The following CABIN1 variants were observed in gnomAD, a reference collection of about 807,000 sequenced individuals.
The protein encoded by CABIN1 is calcineurin binding protein 1, also known as calcineurin-binding protein cabin-1.
CABIN1 carries 133 observed loss-of-function variants against 227.7 expected under a neutral mutation model. The ratio of observed to expected loss-of-function variants is 0.58; its 90% CI spans 0.51 to 0.67. The LOEUF is 0.67. Ranked by LOEUF, CABIN1 falls within the 30% of genes least tolerant of loss-of-function variation. The probability of loss-of-function intolerance (pLI) is 0.00; values close to 1 mark genes in which losing one functional copy is unlikely to be tolerated. For synonymous variants in CABIN1, 1,086 were observed against 1,155.1 expected (o/e 0.94, Z 1.21); for missense variants, 2,408 against 2,852.5 (o/e 0.84, Z 3.55).
chr22:24,083,157 G>C (rs1229696326), intron 19 of CABIN1, 71 bp from the exon 20 acceptor site: 1 of 1,516,546 alleles, frequency 6.6e-7, no homozygotes, highest in East Asian at 2.3e-5. Flanking sequence ...TGGTTTCTCT[G>C]GGGCCCTGCT....
At chr22:24,075,698 T>A (rs1252938601) in intron 18 of CABIN1, among the ~76,000 whole-genome samples, 1 of 151,708 alleles carries the variant, frequency 6.6e-6, no homozygotes, top group African/African-American at 2.4e-5. Context: ...TGAGCTATAA[T>A]TGTGCCAACT....
chr22:24,089,112 C>G (rs1363700536), intron 23 of CABIN1, among the ~76,000 whole-genome samples: 3 of 152,190 alleles, frequency 2.0e-5, no homozygotes, highest in African/African-American at 7.2e-5. Context: ...CTGAGCTGAT[C>G]ATGGTTCTTG....
At chr22:24,077,261 C>G (rs1214962064) in intron 19 of CABIN1, among the ~76,000 whole-genome samples, 1 of 152,186 alleles carries the variant, frequency 6.6e-6, no homozygotes, top group Non-Finnish European at 1.5e-5. Context: ...TATTGTGTGT[C>G]TCTGCTCCAC....
intron 31 of CABIN1, 106 bp from the exon 32 acceptor site, chr22:24,166,533 A>T: frequency 1.5e-6 from 2 of 1,373,240 alleles, no homozygotes; most frequent in Non-Finnish European, 2.1e-6. Context: ...GGAGCCACAC[A>T]GATGTCAGGT....
At chr22:24,133,383 C>G (rs2044194513) in intron 28 of CABIN1, among the ~76,000 whole-genome samples, 1 of 152,194 alleles carries the variant, frequency 6.6e-6, no homozygotes, top group Non-Finnish European at 1.5e-5. Flanking sequence ...AGAATGGGAC[C>G]AGGTGGGACA....
At chr22:24,025,445 G>A (rs2036014212) in intron 1 of CABIN1, among the ~76,000 whole-genome samples, 2 of 152,158 alleles carry the variant, frequency 1.3e-5, no homozygotes, top group Admixed American at 1.3e-4. Flanking sequence ...GTTCTACAGG[G>A]ATCTGCCAGA....
intron 31 of CABIN1, 33 bp from the exon 32 acceptor site, chr22:24,166,606 C>G: frequency 1.2e-6 from 2 of 1,612,442 alleles, no homozygotes; most frequent in Admixed American, 3.3e-5. Flanking sequence ...GAGACACCAG[C>G]GACACAGCTT....
At chr22:24,077,202 C>A (rs1474584771) in intron 19 of CABIN1, among the ~76,000 whole-genome samples, 1 of 152,152 alleles carries the variant, frequency 6.6e-6, no homozygotes. Context: ...CCTGTGCTTT[C>A]CCCTCAGCGC....
chr22:24,077,654 C>T (rs2040534234), intron 19 of CABIN1, among the ~76,000 whole-genome samples: 1 of 152,202 alleles, frequency 6.6e-6, no homozygotes, highest in East Asian at 1.9e-4. Flanking sequence ...GTCTGTAATG[C>T]TGCCCAGGAC....
chr22:24,045,136 G>T (rs2037754679), intron 6 of CABIN1, among the ~76,000 whole-genome samples: 1 of 152,206 alleles, frequency 6.6e-6, no homozygotes, highest in Admixed American at 6.5e-5. Context: ...GTGTTAGCCA[G>T]GATGTTCTTG....
chr22:24,095,445 G>A (rs944740111), intron 24 of CABIN1, among the ~76,000 whole-genome samples: 2 of 71,108 alleles, frequency 2.8e-5, no homozygotes, highest in Non-Finnish European at 5.1e-5. Context: ...CCACACCCAC[G>A]GGGAAGACGT....
intron 29 of CABIN1, among the ~76,000 whole-genome samples, chr22:24,145,397 T>C (rs886850871): frequency 1.3e-5 from 2 of 152,006 alleles, no homozygotes; most frequent in African/African-American, 4.8e-5. Flanking sequence ...TCATAATTCA[T>C]GAGATGTAGG....
intron 26 of CABIN1, among the ~76,000 whole-genome samples, chr22:24,104,457 C>G (rs1042831752): frequency 6.6e-6 from 1 of 152,224 alleles, no homozygotes; most frequent in Non-Finnish European, 1.5e-5. Context: ...GGTGTCTACA[C>G]ATATCAGGCT....
intron 35 of CABIN1, among the ~76,000 whole-genome samples, chr22:24,176,885 C>T (rs9620361): frequency 0.084 from 12,839 of 152,284 alleles, 662 homozygotes; most frequent in East Asian, 0.3. Flanking sequence ...GGCATGGGCT[C>T]TGTGTAAACC....
At chr22:24,022,549 A>G (rs1467667237) in intron 1 of CABIN1, among the ~76,000 whole-genome samples, 1 of 152,176 alleles carries the variant, frequency 6.6e-6, no homozygotes, top group African/African-American at 2.4e-5. Context: ...TGGTGATTTG[A>G]GTGGAGCTGT....
chr22:24,015,148 C>A (rs1480834199), intron 1 of CABIN1, among the ~76,000 whole-genome samples: 1 of 150,464 alleles, frequency 6.6e-6, no homozygotes, highest in Non-Finnish European at 1.5e-5. Flanking sequence ...CACCTGTAAT[C>A]CCAGCCACTT....
At chr22:24,106,203 C>G (rs2042505974) in intron 26 of CABIN1, among the ~76,000 whole-genome samples, 1 of 152,236 alleles carries the variant, frequency 6.6e-6, no homozygotes, top group Non-Finnish European at 1.5e-5. Context: ...GATGGGGGTC[C>G]TACCCCAGAG....
At chr22:24,080,761 A>G (rs1025463875) in intron 19 of CABIN1, among the ~76,000 whole-genome samples, 2 of 152,168 alleles carry the variant, frequency 1.3e-5, no homozygotes, top group Non-Finnish European at 2.9e-5. Flanking sequence ...ATGCAGGAGC[A>G]CTAGTTTTTT....
At chr22:24,049,376 C>T (rs2038148260) in intron 7 of CABIN1, among the ~76,000 whole-genome samples, 156 bp downstream of exon 7, 1 of 152,146 alleles carries the variant, frequency 6.6e-6, no homozygotes, top group Non-Finnish European at 1.5e-5. Flanking sequence ...GTGAACTGAC[C>T]TTGGACTGCC....
Sources: gnomAD v4.1 joint callset for allele counts (sites outside exome capture counted in the v4.1 genomes callset) on GRCh38, gnomAD v4.1.1 for gene constraint, MANE v1.5 for transcripts, NCBI Gene and HGNC (gene_info 2026-07-23, HGNC 2026-07-21) for gene names.